The following FAM50B variants were observed in gnomAD, a reference collection of about 807,000 sequenced individuals.
FAM50B encodes protein FAM50B.
FAM50B carries 9 observed loss-of-function variants against 25.4 expected under a neutral mutation model. That is an observed-to-expected ratio of 0.35 (90% CI 0.21 to 0.62). FAM50B has a LOEUF of 0.62. FAM50B is among the 20% of genes least tolerant of loss of function. The probability of loss-of-function intolerance (pLI) is 0.73; values close to 1 mark genes in which losing one functional copy is unlikely to be tolerated. For missense variants in FAM50B, 372 were observed against 477.9 expected (o/e 0.78, Z 2.07); for synonymous variants, 212 against 204.3 (o/e 1.04, Z -0.32).
At chr6:3,836,273 T>A in the FAM50B span, among the ~76,000 whole-genome samples, 3 of 152,236 alleles carry the variant, frequency 2.0e-5, no homozygotes, top group African/African-American at 7.2e-5. Flanking sequence ...GTATAGAGAA[T>A]TACTATATCA....
upstream of FAM50B, among the ~76,000 whole-genome samples, chr6:3,846,760 C>T (rs1163289699): frequency 6.6e-6 from 1 of 152,202 alleles, no homozygotes; most frequent in Non-Finnish European, 1.5e-5. Context: ...CCAGATCCAT[C>T]AGAGAAATCA....
the FAM50B span, among the ~76,000 whole-genome samples, chr6:3,841,880 A>G: frequency 1.3e-5 from 2 of 152,330 alleles, no homozygotes; most frequent in East Asian, 3.9e-4. Context: ...TGCCTGCTGC[A>G]AACCCGGCTG....
chr6:3,836,041 T>C, the FAM50B span, among the ~76,000 whole-genome samples: 2 of 152,204 alleles, frequency 1.3e-5, no homozygotes, highest in African/African-American at 4.8e-5. Flanking sequence ...AGTATCACAG[T>C]GTCATATTAT....
At chr6:3,843,905 T>C in the FAM50B span, among the ~76,000 whole-genome samples, 3 of 152,174 alleles carry the variant, frequency 2.0e-5, no homozygotes, top group South Asian at 2.1e-4. Flanking sequence ...TGTGGTGGTG[T>C]TGGAGGGATC....
At chr6:3,849,197 CCG>C (rs1349792248), upstream of FAM50B, among the ~76,000 whole-genome samples, 4 of 152,336 alleles carry the variant, frequency 2.6e-5, no homozygotes, top group East Asian at 5.8e-4. Flanking sequence ...AGGATCCTCC[CCG>C]CGCTGGCCCG....
the FAM50B span, chr6:3,833,873 A>G: frequency 6.6e-6 from 1 of 152,216 alleles, no homozygotes; most frequent in African/African-American, 2.4e-5. Flanking sequence ...TGAGTTATTA[A>G]ATATTTTATT....
the FAM50B span, chr6:3,833,919 A>G: frequency 6.6e-6 from 1 of 152,234 alleles, no homozygotes. Flanking sequence ...CTTATCAGGG[A>G]CAGAAAGACT....
upstream of FAM50B, among the ~76,000 whole-genome samples, chr6:3,846,157 G>A (rs572462082): frequency 8.5e-5 from 13 of 152,228 alleles, no homozygotes; most frequent in African/African-American, 2.9e-4. Flanking sequence ...TTTTCAAGTA[G>A]GAGAGTAATG....
chr6:3,837,446 G>A, the FAM50B span, among the ~76,000 whole-genome samples: 45 of 152,234 alleles, frequency 3.0e-4, 2 homozygotes, highest in East Asian at 2.3e-3. Flanking sequence ...GAAGATGTCT[G>A]ATAGCAAGTA....
chr6:3,851,030 G>T lies in FAM50B; in HGVS notation c.*241G>T, dbSNP rs1047358343. On this transcript the variant is annotated 3_prime_UTR_variant, in exon 2 of 2. Transcript: ENST00000648326. ...CTGCATTGCTCTGCTGAGCTGTATT[G>T]AAACCATGACTGGGCCCACTGTCAG... The T allele has an allele frequency of 6.7e-6, 4 of 596,430 alleles. No individual in the cohort carries two copies. The African/African-American group carries it at 7.5e-5, about 11-fold the overall frequency. The allele number at this position is 596,430 out of a possible 1,614,324, so 36.9% of individuals were successfully genotyped here.
the FAM50B span, among the ~76,000 whole-genome samples, chr6:3,843,558 G>A: frequency 2.0e-5 from 3 of 152,164 alleles, no homozygotes; most frequent in Non-Finnish European, 2.9e-5. Flanking sequence ...CTCACGTGGT[G>A]TGGATTTTTT....
chr6:3,842,862 G>T, the FAM50B span, among the ~76,000 whole-genome samples: 1 of 152,164 alleles, frequency 6.6e-6, no homozygotes, highest in African/African-American at 2.4e-5. Context: ...ACTCTAGTTC[G>T]CAATTAATAT....
chr6:3,836,333 A>G, the FAM50B span, among the ~76,000 whole-genome samples: 1 of 152,216 alleles, frequency 6.6e-6, no homozygotes, highest in African/African-American at 2.4e-5. Flanking sequence ...TTCAATTGCA[A>G]TCAACTCTTG....
At chr6:3,842,051 C>T in the FAM50B span, among the ~76,000 whole-genome samples, 1 of 152,242 alleles carries the variant, frequency 6.6e-6, no homozygotes, top group Non-Finnish European at 1.5e-5. Context: ...AGGATCACTC[C>T]AAGTTGGGAG....
the FAM50B span, among the ~76,000 whole-genome samples, chr6:3,842,259 T>C: frequency 2.0e-5 from 3 of 152,326 alleles, no homozygotes; most frequent in African/African-American, 7.2e-5. Context: ...CATTTTTAAA[T>C]TGCCTCCATG....
the FAM50B span, among the ~76,000 whole-genome samples, chr6:3,832,646 A>T: frequency 6.6e-6 from 1 of 152,100 alleles, no homozygotes; most frequent in Admixed American, 6.5e-5. Context: ...TCTTGAATCA[A>T]TGCTTCCCCT....
chr6:3,850,473 G>T lies in FAM50B; in HGVS notation c.662G>T (p.Arg221Leu), dbSNP rs369953711. The T allele has an allele frequency of 6.2e-7, 1 of 1,613,548 alleles. No homozygotes were observed. The highest frequency in any genetic ancestry group is 1.1e-5 in the South Asian group (1 of 91,086). The change falls in exon 2 of 2, where the codon CGC becomes CTC. Residue 221 changes from arginine to leucine, a missense_variant. Around this residue, in one of 4 missense-constraint regions of FAM50B, gnomAD observed 224 missense variants for 232.2 expected, o/e 0.96. Coordinates refer to ENST00000648326, the MANE Select transcript of FAM50B (RefSeq NM_012135.3). ...QFLKKALQGLRKDFLELRSAG... is the reference protein window; with the variant it reads ...QFLKKALQGLLKDFLELRSAG... ...CTGAAGAAGGCGCTGCAGGGGCTGC[G>T]CAAGGACTTCCTGGAGCTGCGCTCC...
the FAM50B span, among the ~76,000 whole-genome samples, chr6:3,838,381 T>C: frequency 6.6e-6 from 1 of 151,960 alleles, no homozygotes; most frequent in Non-Finnish European, 1.5e-5. Flanking sequence ...TAAACTGTGG[T>C]GTTTCCATAC....
chr6:3,849,801 A>T lies in FAM50B; in HGVS notation c.-11A>T. On this transcript the variant is annotated 5_prime_UTR_variant, in exon 2 of 2. Transcript: ENST00000648326. ...CTCTTTGCTGCAGAGCCCATCGGGTAGGCGCGGGCCATGGCGCAGTACAAG... is the reference window on the plus strand; with the variant it reads ...CTCTTTGCTGCAGAGCCCATCGGGTTGGCGCGGGCCATGGCGCAGTACAAG... The T allele has an allele frequency of 6.3e-7, 1 of 1,593,460 alleles. No homozygotes were observed. The highest frequency in any genetic ancestry group is 8.6e-7 in the Non-Finnish European group (1 of 1,167,462).
Sources: gnomAD v4.1 joint callset for allele counts (sites outside exome capture counted in the v4.1 genomes callset) on GRCh38, gnomAD v4.1.1 for gene constraint, gnomAD v4.1.1 regional missense constraint, MANE v1.5 for transcripts, NCBI Gene and HGNC (gene_info 2026-07-23, HGNC 2026-07-21) for gene names.